CRPPA: variants seen among roughly 807,000 people sequenced by gnomAD.
CRPPA encodes D-ribitol-5-phosphate cytidylyltransferase.
In CRPPA, 43 loss-of-function variants were observed where a neutral mutation model predicts 52.0. The observed-to-expected ratio is 0.83, with a 90% confidence interval of 0.65 to 1.07. The LOEUF is 1.07. Among genes scored for constraint, CRPPA ranks in the 50% least tolerant of loss-of-function variants. The probability of loss-of-function intolerance (pLI) is 0.00; values close to 1 mark genes in which losing one functional copy is unlikely to be tolerated. For synonymous variants in CRPPA, 250 were observed against 203.5 expected (o/e 1.23, Z -1.94); for missense variants, 629 against 551.7 (o/e 1.14, Z -1.40).
chr7:16,310,472 T>C (rs1255494910), intron 3 of CRPPA, among the ~76,000 whole-genome samples: 1 of 152,016 alleles, frequency 6.6e-6, no homozygotes, highest in Admixed American at 6.6e-5. Flanking sequence ...ATGTGAAAGA[T>C]CAAAATGGCA....
chr7:16,283,785 A>T (rs1217811744), intron 5 of CRPPA, among the ~76,000 whole-genome samples: 1 of 151,760 alleles, frequency 6.6e-6, no homozygotes, highest in African/African-American at 2.4e-5. Context: ...CACAAATACT[A>T]CTCTTATCTG....
At chr7:16,182,832 C>T (rs1041115696) in intron 9 of CRPPA, among the ~76,000 whole-genome samples, 1 of 152,092 alleles carries the variant, frequency 6.6e-6, no homozygotes, top group African/African-American at 2.4e-5. Context: ...TAACCTGTGC[C>T]CCTCCACTTT....
At chr7:16,303,278 T>C (rs1240047511) in intron 4 of CRPPA, among the ~76,000 whole-genome samples, 8 of 152,024 alleles carry the variant, frequency 5.3e-5, no homozygotes, top group Admixed American at 1.3e-4. Context: ...GATAAAGGAA[T>C]AGCAGAGGAA....
intron 8 of CRPPA, among the ~76,000 whole-genome samples, chr7:16,234,402 T>A (rs1468063932): frequency 6.6e-6 from 1 of 152,106 alleles, no homozygotes; most frequent in Non-Finnish European, 1.5e-5. Context: ...TCATAAAAAC[T>A]AAAAGCAGGC....
intron 8 of CRPPA, among the ~76,000 whole-genome samples, chr7:16,224,218 G>A (rs567261973): frequency 6.6e-6 from 1 of 152,160 alleles, no homozygotes; most frequent in East Asian, 1.9e-4. Flanking sequence ...CTTTATGTTT[G>A]TCTAGAATTC....
intron 3 of CRPPA, among the ~76,000 whole-genome samples, chr7:16,341,043 AG>A (rs1299223607): frequency 3.3e-5 from 5 of 152,164 alleles, no homozygotes; most frequent in African/African-American, 1.2e-4. Context: ...TATTCTGTAA[AG>A]GCAAGCTACG....
intron 8 of CRPPA, among the ~76,000 whole-genome samples, chr7:16,232,564 T>C (rs1232764900): frequency 6.6e-6 from 1 of 152,084 alleles, no homozygotes; most frequent in Non-Finnish European, 1.5e-5. Flanking sequence ...CCAGTTCATG[T>C]TATTCTAACA....
chr7:16,378,354 T>G (rs962254145), intron 2 of CRPPA, among the ~76,000 whole-genome samples: 1 of 146,402 alleles, frequency 6.8e-6, no homozygotes, highest in Middle Eastern at 3.3e-3. Flanking sequence ...AGTGAGAACA[T>G]GCGGTGTTTG....
intron 9 of CRPPA, among the ~76,000 whole-genome samples, chr7:16,143,758 G>A (rs1782918844): frequency 6.6e-6 from 1 of 152,090 alleles, no homozygotes; most frequent in African/African-American, 2.4e-5. Flanking sequence ...AAAATGCAGG[G>A]CAATTTTCAG....
At position 16,168,346 on chromosome 7, in the gene CRPPA, A is replaced by T. The variant is rs150585651; in HGVS notation, c.1251+47720T>A. Among the ~76,000 whole-genome samples the T allele has an allele frequency of 6.5e-3, 984 of 152,284 alleles. 12 individuals are homozygous for T. The highest frequency in any genetic ancestry group is 0.023 in the African/African-American group (943 of 41,568). On this transcript the variant is annotated intron_variant, in intron 9 of 9. Transcript: ENST00000407010. ...ATTAAGTGCATAGGGACATATAAGG[A>T]ATATGACATATCTGGAATCCTTTAT...
chr7:16,314,824 CT>C (rs557765499), intron 3 of CRPPA, among the ~76,000 whole-genome samples: 78 of 151,982 alleles, frequency 5.1e-4, no homozygotes, highest in Middle Eastern at 6.8e-3. Flanking sequence ...TTGTCTTTTG[CT>C]TTTGTGTAGC....
intron 9 of CRPPA, among the ~76,000 whole-genome samples, chr7:16,150,160 G>A (rs1358397629): frequency 6.6e-6 from 1 of 151,732 alleles, no homozygotes; most frequent in Non-Finnish European, 1.5e-5. Flanking sequence ...TCTTATAATT[G>A]AACAAAGATT....
chr7:16,389,913 C>CAAAAAAAA (rs1163092089), intron 2 of CRPPA, among the ~76,000 whole-genome samples: 32 of 34,286 alleles, frequency 9.3e-4, no homozygotes, highest in African/African-American at 2.0e-3. Flanking sequence ...GCCTAGTATA[C>CAAAAAAAA]AAAAAAAAAA....
intron 9 of CRPPA, among the ~76,000 whole-genome samples, chr7:16,119,324 AT>A (rs1782437656): frequency 6.6e-6 from 1 of 152,096 alleles, no homozygotes; most frequent in Admixed American, 6.6e-5. Flanking sequence ...TGAATCACAC[AT>A]CTCATTGGTA....
intron 3 of CRPPA, among the ~76,000 whole-genome samples, chr7:16,347,431 G>A (rs1049822500): frequency 1.8e-4 from 27 of 152,236 alleles, no homozygotes; most frequent in African/African-American, 6.5e-4. Context: ...TCCTGCCTCA[G>A]TCAAGATCCA....
Position 16,200,486 on chromosome 7 carries a change from T to G in CRPPA, c.1251+15580A>C, listed in dbSNP as rs1423690115. Among the ~76,000 whole-genome samples the G allele has an allele frequency of 2.6e-5, 4 of 152,198 alleles. No homozygotes were observed. In the East Asian group the frequency reaches 7.7e-4, roughly 29 times the overall value. On this transcript the variant is annotated intron_variant, in intron 9 of 9. Transcript: ENST00000407010. ...TGCATGATCTAAATTAAACTTTCTC[T>G]GCAAGGCATTCACATCCTACAAATT...
At chr7:16,288,473 A>C (rs966604096) in intron 5 of CRPPA, among the ~76,000 whole-genome samples, 2 of 152,160 alleles carry the variant, frequency 1.3e-5, no homozygotes, top group Non-Finnish European at 2.9e-5. Flanking sequence ...CTGATGATGC[A>C]ACCCAAAGAA....
intron 9 of CRPPA, among the ~76,000 whole-genome samples, chr7:16,110,915 A>G: frequency 6.6e-6 from 1 of 152,158 alleles, no homozygotes; most frequent in Non-Finnish European, 1.5e-5. Context: ...AAGTACAGGA[A>G]ACAAAAGCGA....
At chr7:16,170,503 T>A (rs1373936112) in intron 9 of CRPPA, among the ~76,000 whole-genome samples, 1 of 152,226 alleles carries the variant, frequency 6.6e-6, no homozygotes, top group Non-Finnish European at 1.5e-5. Flanking sequence ...GTATTACAGC[T>A]CATAAAACGC....
Sources: gnomAD v4.1 joint callset for allele counts (sites outside exome capture counted in the v4.1 genomes callset) on GRCh38, gnomAD v4.1.1 for gene constraint, MANE v1.5 for transcripts, NCBI Gene and HGNC (gene_info 2026-07-23, HGNC 2026-07-21) for gene names.